The following F13A1 variants were observed in gnomAD, a reference collection of about 807,000 sequenced individuals.
F13A1 encodes FSF, A subunit.
A neutral mutation model predicts 80.1 loss-of-function variants in F13A1; 47 were observed. The observed-to-expected ratio is 0.59, with a 90% CI of 0.46 to 0.75. The LOEUF (loss-of-function observed/expected upper bound fraction) is 0.75, where lower values mean the gene tolerates loss of function less well. F13A1 is among the 30% of genes least tolerant of loss of function. The pLI is 0.00. For synonymous variants in F13A1, 349 were observed against 344.9 expected (o/e 1.01, Z -0.13); for missense variants, 817 against 930.4 (o/e 0.88, Z 1.59).
At chr6:6,157,514 G>A (rs774402754) in intron 13 of F13A1, among the ~76,000 whole-genome samples, 1 of 151,678 alleles carries the variant, frequency 6.6e-6, no homozygotes, top group Non-Finnish European at 1.5e-5. Flanking sequence ...TTAAGTTATC[G>A]CTAAACCATC....
At chr6:6,228,520 G>A (rs148636507) in intron 6 of F13A1, among the ~76,000 whole-genome samples, 114 of 152,156 alleles carry the variant, frequency 7.5e-4, no homozygotes, top group African/African-American at 2.6e-3. Flanking sequence ...GATTGCTTGA[G>A]GTCAGGAATT....
At chr6:6,217,997 C>T (rs1757129078) in intron 8 of F13A1, among the ~76,000 whole-genome samples, 2 of 151,482 alleles carry the variant, frequency 1.3e-5, no homozygotes, top group Non-Finnish European at 2.9e-5. Context: ...GCTGACAAAA[C>T]AACAAAAATA....
At chr6:6,266,952 C>G in intron 3 of F13A1, 143 bp from the exon 4 acceptor site, 1 of 1,201,134 alleles carries the variant, frequency 8.3e-7, no homozygotes, top group Non-Finnish European at 1.2e-6. Context: ...TCAGGCAAGT[C>G]TGCAAATTAC....
In F13A1 at chr6:6,151,963, T is replaced by C; in HGVS notation, c.1909-14A>G. 1 of 1,613,862 alleles carries C rather than the reference T, an allele frequency of 6.2e-7. No homozygotes were observed. The highest frequency in any genetic ancestry group is 8.5e-7 in the Non-Finnish European group (1 of 1,179,852). ...AGTGCCACGGACCTAAGAGAGAGAA[T>C]GCAGGTCATTAGCACCAAATAAAAC... On this transcript the variant is annotated splice_polypyrimidine_tract_variant and intron_variant, in intron 13 of 14. Transcript: ENST00000264870.
chr6:6,182,809 G>T (rs1266595316), intron 10 of F13A1, among the ~76,000 whole-genome samples: 1 of 152,122 alleles, frequency 6.6e-6, no homozygotes, highest in Non-Finnish European at 1.5e-5. Context: ...CCTATTTCAG[G>T]ATTTCTTATA....
chr6:6,194,163 A>AC (rs1761249523), intron 10 of F13A1, among the ~76,000 whole-genome samples: 1 of 151,710 alleles, frequency 6.6e-6, no homozygotes, highest in Non-Finnish European at 1.5e-5. Context: ...CTTCATAACA[A>AC]CCCCTCCAAT....
intron 7 of F13A1, 85 bp downstream of exon 7, chr6:6,224,601 A>G (rs1230369495): frequency 1.2e-5 from 15 of 1,277,434 alleles, no homozygotes; most frequent in Non-Finnish European, 1.6e-5. Flanking sequence ...AGGGGCTGCT[A>G]TGTCTCTTTG....
chr6:6,171,515 CT>C (rs1561642461), intron 12 of F13A1, among the ~76,000 whole-genome samples: 1 of 152,184 alleles, frequency 6.6e-6, no homozygotes, highest in Non-Finnish European at 1.5e-5. Context: ...CCAGATCGGA[CT>C]GGTTCTCGCT....
chr6:6,175,576 C>G (rs1179460791), intron 11 of F13A1, among the ~76,000 whole-genome samples: 1 of 152,154 alleles, frequency 6.6e-6, no homozygotes, highest in African/African-American at 2.4e-5. Flanking sequence ...TTGGAGATGC[C>G]CTAGTTGTCC....
intron 2 of F13A1, among the ~76,000 whole-genome samples, chr6:6,309,429 C>T (rs970633732): frequency 6.6e-6 from 1 of 151,988 alleles, no homozygotes; most frequent in African/African-American, 2.4e-5. Flanking sequence ...GTCAGTTGTC[C>T]ATGTGGAAAG....
rs138927143 is a variant in F13A1, at chr6:6,265,186, A to C, written c.571+1372T>G. On this transcript the variant is annotated intron_variant, in intron 4 of 14. Transcript: ENST00000264870. ...AGATGAGTAGCAAATATTGTTGTGC[A>C]CTTATCTATATCTAGGACAGATTAA... Among the ~76,000 whole-genome samples, 738 of 152,332 alleles carry C rather than the reference A, an allele frequency of 4.8e-3. 7 individuals are homozygous for C. Among genetic ancestry groups the C allele is most frequent in the African/African-American group, 0.017 (701 of 41,580 alleles).
At chr6:6,260,007 C>T (rs1214490988) in intron 4 of F13A1, among the ~76,000 whole-genome samples, 1 of 152,124 alleles carries the variant, frequency 6.6e-6, no homozygotes, top group Admixed American at 6.5e-5. Flanking sequence ...GTTCAGAGTT[C>T]CTGAGTAGTT....
intron 11 of F13A1, among the ~76,000 whole-genome samples, chr6:6,175,216 G>A (rs1760861231): frequency 6.6e-6 from 1 of 152,158 alleles, no homozygotes; most frequent in Admixed American, 6.5e-5. Context: ...CTTAGTCCCA[G>A]CCATGTGGCT....
At chr6:6,253,309 T>TTCCCTCTAAATGTGGAATA (rs1757660414) in intron 4 of F13A1, among the ~76,000 whole-genome samples, 2 of 152,322 alleles carry the variant, frequency 1.3e-5, no homozygotes, top group Admixed American at 6.5e-5. Flanking sequence ...CTAGCAGTTC[T>TTCCCTCTAAATGTGGAATA]TCCCTCTAAA....
intron 6 of F13A1, among the ~76,000 whole-genome samples, chr6:6,238,015 AT>A: frequency 1.3e-5 from 2 of 152,372 alleles, no homozygotes; most frequent in South Asian, 4.1e-4. Flanking sequence ...TAAACATAAT[AT>A]TGAAAAAGAA....
At chr6:6,263,836 T>G (rs886710453) in intron 4 of F13A1, among the ~76,000 whole-genome samples, 2 of 152,236 alleles carry the variant, frequency 1.3e-5, no homozygotes, top group African/African-American at 4.8e-5. Flanking sequence ...TGAATCCCTG[T>G]GCAATTTTTG....
chr6:6,174,861 T>C lies in F13A1; in HGVS notation c.1466A>G (p.Glu489Gly), dbSNP rs146866566. The change falls in exon 12 of 15, where the codon GAA becomes GGA. Residue 489 changes from glutamate (E) to glycine (G), a missense_variant. Coordinates refer to ENST00000264870, the MANE Select transcript of F13A1 (RefSeq NM_000129.4). ...AGTTTCTAGGGCCAATCTCTCTTCT[T>C]CTTGACCTGGGGGAGATCCAGAGAT... ...TDTYKFQEGQ[E>G]EERLALETAL... 28 of 1,614,154 alleles carry C rather than the reference T, an allele frequency of 1.7e-5. No homozygotes were observed. The highest frequency in any genetic ancestry group is 2.4e-5 in the Non-Finnish European group (28 of 1,180,032).
intron 6 of F13A1, among the ~76,000 whole-genome samples, chr6:6,230,612 C>A (rs1394897208): frequency 6.6e-6 from 1 of 152,144 alleles, no homozygotes; most frequent in Non-Finnish European, 1.5e-5. Flanking sequence ...CTGGAAAGCA[C>A]CACCTCCTGG....
rs142526606 is a variant in F13A1 at position 6,202,093 on chromosome 6, T to A, written c.1113-4767A>T. On this transcript the variant is annotated intron_variant, in intron 8 of 14. Coordinates refer to ENST00000264870, the MANE Select transcript of F13A1 (RefSeq NM_000129.4). ...CGATTACCTCCCATATTTATTTTTGTGGTGCAAACATTTGAAATTTACTCT... is the reference window on the plus strand; with the variant it reads ...CGATTACCTCCCATATTTATTTTTGAGGTGCAAACATTTGAAATTTACTCT... Among the ~76,000 whole-genome samples, 1,298 of 151,152 alleles carry A rather than the reference T, an allele frequency of 8.6e-3. 13 individuals are homozygous for A. The highest frequency in any genetic ancestry group is 0.04 in the South Asian group (191 of 4,824).
Sources: gnomAD v4.1 joint callset for allele counts (sites outside exome capture counted in the v4.1 genomes callset) on GRCh38, gnomAD v4.1.1 for gene constraint, MANE v1.5 for transcripts, NCBI Gene and HGNC (gene_info 2026-07-23, HGNC 2026-07-21) for gene names.